The following MAGI2 variants were observed in gnomAD, a reference collection of about 807,000 sequenced individuals.
MAGI2 encodes the protein membrane-associated guanylate kinase, WW and PDZ domain-containing protein 2.
A neutral mutation model predicts 133.3 loss-of-function variants in MAGI2; 35 were observed. That is an observed-to-expected ratio of 0.26 (90% CI 0.20 to 0.35). The LOEUF is 0.35. MAGI2 is among the 10% of genes least tolerant of loss of function. MAGI2 has a pLI of 1.00. For synonymous variants in MAGI2, 729 were observed against 710.6 expected, an observed-to-expected ratio of 1.03 and a Z score of -0.41; for missense variants, 1,636 against 1,863.4, an observed-to-expected ratio of 0.88 and a Z score of 2.25.
At chr7:78,963,536 T>C (rs553989627) in intron 2 of MAGI2, among the ~76,000 whole-genome samples, 2 of 152,154 alleles carry the variant, frequency 1.3e-5, no homozygotes, top group East Asian at 1.9e-4. Context: ...GACCATTGGG[T>C]GTTCCAAGTT....
At chr7:78,970,786 G>A (rs932127272) in intron 2 of MAGI2, among the ~76,000 whole-genome samples, 1 of 152,034 alleles carries the variant, frequency 6.6e-6, no homozygotes, top group African/African-American at 2.4e-5. Context: ...GGTTAGCAAA[G>A]GATATAACAA....
chr7:78,077,830 A>G (rs1273426883), intron 21 of MAGI2, among the ~76,000 whole-genome samples: 1 of 145,650 alleles, frequency 6.9e-6, no homozygotes, highest in African/African-American at 2.6e-5. Flanking sequence ...CCTGGGTTCA[A>G]GCGATTCTTC....
intron 2 of MAGI2, among the ~76,000 whole-genome samples, chr7:78,758,840 C>T (rs12534669): frequency 0.044 from 6,698 of 152,274 alleles, 219 homozygotes; most frequent in Non-Finnish European, 0.067. Context: ...GTAGGTTCCT[C>T]CACACCTTAA....
chr7:78,109,241 T>C (rs1163048721), intron 20 of MAGI2, among the ~76,000 whole-genome samples: 1 of 123,020 alleles, frequency 8.1e-6, no homozygotes, highest in African/African-American at 3.2e-5. Context: ...GAGGCGGAGC[T>C]TGCAGTGAGC....
intron 3 of MAGI2, among the ~76,000 whole-genome samples, chr7:78,583,059 T>C (rs1584734051): frequency 2.0e-5 from 3 of 152,096 alleles, no homozygotes; most frequent in East Asian, 1.9e-4. Context: ...CAGATACCAC[T>C]CAAGTCAACA....
chr7:78,720,809 A>T (rs942367131), intron 2 of MAGI2, among the ~76,000 whole-genome samples: 1 of 152,118 alleles, frequency 6.6e-6, no homozygotes. Context: ...TTTATTTCTC[A>T]AAGGTAAGAA....
chr7:78,772,218 T>C (rs1002978821), intron 2 of MAGI2, among the ~76,000 whole-genome samples: 1 of 152,192 alleles, frequency 6.6e-6, no homozygotes, highest in African/African-American at 2.4e-5. Context: ...AGATACGTAA[T>C]CTGCTGTTAG....
chr7:79,376,031 T>A (rs117567677), intron 1 of MAGI2, among the ~76,000 whole-genome samples: 2 of 151,818 alleles, frequency 1.3e-5, no homozygotes, highest in Admixed American at 1.3e-4. Flanking sequence ...AGGAAAAACC[T>A]TTTTTCATTT....
At chr7:78,884,403 G>T (rs146372398) in intron 2 of MAGI2, among the ~76,000 whole-genome samples, 1 of 152,170 alleles carries the variant, frequency 6.6e-6, no homozygotes, top group African/African-American at 2.4e-5. Context: ...AGGATTACTT[G>T]AGTCTGGGAG....
chr7:78,971,925 G>C (rs1803822239), intron 2 of MAGI2, among the ~76,000 whole-genome samples: 2 of 151,838 alleles, frequency 1.3e-5, no homozygotes, highest in African/African-American at 4.8e-5. Context: ...AAGTAGAAAT[G>C]TATTCCTAGT....
chr7:78,376,560 GA>G (rs1794466415), intron 6 of MAGI2, among the ~76,000 whole-genome samples: 1 of 152,104 alleles, frequency 6.6e-6, no homozygotes. Context: ...GGTTGTTGAT[GA>G]AAGATGTGAT....
At chr7:79,332,117 T>G (rs551793771) in intron 1 of MAGI2, among the ~76,000 whole-genome samples, 13 of 152,296 alleles carry the variant, frequency 8.5e-5, no homozygotes, top group African/African-American at 2.9e-4. Flanking sequence ...ACTATTAACA[T>G]TCCCACTGAA....
In MAGI2 at chr7:78,794,829, C is replaced by A. The variant is rs369771984; in HGVS notation, c.419-167590G>T. On this transcript the variant is annotated intron_variant, in intron 2 of 21. Coordinates refer to ENST00000354212, the MANE Select transcript of MAGI2 (RefSeq NM_012301.4). Reference sequence around the variant, plus strand: ...GAGGAGTTAACTTATGTTGGCTACACGCATAACCAAGATCAGGGGCAAATT... The same window carrying A: ...GAGGAGTTAACTTATGTTGGCTACAAGCATAACCAAGATCAGGGGCAAATT... Among the ~76,000 whole-genome samples, 14 of 152,166 alleles carry A rather than the reference C, an allele frequency of 9.2e-5. No homozygotes were observed. The South Asian group carries it at 1.5e-3, about 16-fold the overall frequency.
chr7:78,358,849 C>T (rs1190310956), intron 7 of MAGI2: 3 of 167,680 alleles, frequency 1.8e-5, no homozygotes, highest in Non-Finnish European at 3.9e-5. Flanking sequence ...ACACAGAGGT[C>T]CTAAGACCGA....
chr7:78,940,095 T>C (rs1424940310), intron 2 of MAGI2, among the ~76,000 whole-genome samples: 1 of 152,200 alleles, frequency 6.6e-6, no homozygotes, highest in Non-Finnish European at 1.5e-5. Context: ...TTGTACATAT[T>C]TCTGTCCATA....
intron 1 of MAGI2, among the ~76,000 whole-genome samples, chr7:79,291,799 T>C (rs1374449102): frequency 6.6e-6 from 1 of 152,204 alleles, no homozygotes. Context: ...GAGTTTGTTA[T>C]ATAGACTATA....
At chr7:78,774,825 G>A (rs754110831) in intron 2 of MAGI2, among the ~76,000 whole-genome samples, 22 of 152,078 alleles carry the variant, frequency 1.4e-4, no homozygotes, top group Non-Finnish European at 2.4e-4. Context: ...TTTCAGAGGT[G>A]GAACTCACAG....
intron 2 of MAGI2, among the ~76,000 whole-genome samples, chr7:78,855,874 G>A (rs936482838): frequency 6.6e-6 from 1 of 152,204 alleles, no homozygotes; most frequent in African/African-American, 2.4e-5. Flanking sequence ...CCCACCAACA[G>A]TGTAAAAGTG....
At chr7:78,532,737 CAACA>C (rs1266761435) in intron 3 of MAGI2, among the ~76,000 whole-genome samples, 5 of 152,248 alleles carry the variant, frequency 3.3e-5, no homozygotes, top group Admixed American at 2.6e-4. Context: ...GTCAGAAAAA[CAACA>C]AACAAACCAA....
Sources: allele counts gnomAD v4.1 joint callset (sites outside exome capture counted in the v4.1 genomes callset), GRCh38; gene constraint gnomAD v4.1.1; transcripts MANE v1.5; gene names NCBI Gene and HGNC (gene_info 2026-07-23, HGNC 2026-07-21).